The following FGGY variants were observed in gnomAD, a reference collection of about 807,000 sequenced individuals.
FGGY encodes FGGY carbohydrate kinase domain-containing protein.
Under a neutral mutation model 71.3 loss-of-function variants are expected in FGGY, and 72 were observed. The ratio of observed to expected loss-of-function variants is 1.01; its 90% CI spans 0.84 to 1.23. The LOEUF is 1.23. Among genes scored for constraint, FGGY ranks in the 50% most tolerant of loss-of-function variants. The probability of loss-of-function intolerance (pLI) is 0.00; values close to 1 mark genes in which losing one functional copy is unlikely to be tolerated. For synonymous variants in FGGY, 251 were observed against 250.3 expected (o/e 1.00, Z -0.02); for missense variants, 668 against 682.3 (o/e 0.98, Z 0.23).
chr1:59,437,761 ATTTCAGACCCC>A (rs1181685832), intron 5 of FGGY, among the ~76,000 whole-genome samples: 2 of 152,206 alleles, frequency 1.3e-5, no homozygotes, highest in Non-Finnish European at 2.9e-5. Context: ...ATACATGAAT[ATTTCAGACCCC>A]CTTCCCAGTC....
At chr1:59,614,409 C>G (rs2096726968) in intron 9 of FGGY, among the ~76,000 whole-genome samples, 1 of 152,316 alleles carries the variant, frequency 6.6e-6, no homozygotes, top group Non-Finnish European at 1.5e-5. Context: ...ACATGATTAT[C>G]TCAATAGATG....
chr1:59,571,678 A>T (rs1452556788), intron 8 of FGGY, among the ~76,000 whole-genome samples: 1 of 152,182 alleles, frequency 6.6e-6, no homozygotes, highest in Non-Finnish European at 1.5e-5. Context: ...TTTTTATAAT[A>T]GCTACAAATT....
intron 8 of FGGY, among the ~76,000 whole-genome samples, chr1:59,602,268 T>C (rs899869093): frequency 3.3e-5 from 5 of 152,210 alleles, no homozygotes; most frequent in Non-Finnish European, 5.9e-5. Flanking sequence ...CAGCTTCTAT[T>C]TCCTCATCTG....
chr1:59,349,258 A>G (rs74681682), intron 4 of FGGY, among the ~76,000 whole-genome samples: 3,225 of 152,240 alleles, frequency 0.021, 95 homozygotes, highest in African/African-American at 0.071. Flanking sequence ...TTGGCGTAGG[A>G]CCAGGAATGA....
chr1:59,618,368 T>C (rs1428035625), intron 9 of FGGY, among the ~76,000 whole-genome samples: 1 of 152,122 alleles, frequency 6.6e-6, no homozygotes, highest in African/African-American at 2.4e-5. Context: ...AGGCTGAGAA[T>C]GTCAAGGTAA....
intron 10 of FGGY, among the ~76,000 whole-genome samples, chr1:59,631,425 T>G (rs1309635991): frequency 6.6e-6 from 1 of 152,184 alleles, no homozygotes; most frequent in African/African-American, 2.4e-5. Flanking sequence ...TTTTATTGTC[T>G]TACAAAGGAA....
chr1:59,738,137 C>T (rs2098120646), intron 14 of FGGY, among the ~76,000 whole-genome samples: 2 of 152,182 alleles, frequency 1.3e-5, no homozygotes, highest in Admixed American at 6.5e-5. Flanking sequence ...CTAAAAGCCT[C>T]ACTGAGCTGT....
intron 11 of FGGY, among the ~76,000 whole-genome samples, chr1:59,646,237 TTATA>T (rs2097092820): frequency 6.6e-6 from 1 of 152,218 alleles, no homozygotes; most frequent in African/African-American, 2.4e-5. Context: ...AATGATGTAT[TTATA>T]AGCTTTGGAA....
chr1:59,473,119 C>T (rs1368951298), intron 6 of FGGY, among the ~76,000 whole-genome samples: 1 of 152,142 alleles, frequency 6.6e-6, no homozygotes, highest in African/African-American at 2.4e-5. Flanking sequence ...AAGCTTTGTT[C>T]TTTCTCTCTT....
intron 15 of FGGY, among the ~76,000 whole-genome samples, chr1:59,761,616 C>T (rs1309741589): frequency 6.6e-6 from 1 of 152,200 alleles, no homozygotes; most frequent in Non-Finnish European, 1.5e-5. Flanking sequence ...GCCAGAGCAG[C>T]TTCAGCTGTT....
chr1:59,688,602 G>T (rs1258174010), intron 14 of FGGY, among the ~76,000 whole-genome samples: 2 of 152,126 alleles, frequency 1.3e-5, no homozygotes, highest in East Asian at 3.8e-4. Flanking sequence ...AATCAAAAAA[G>T]TAAAGGAATT....
intron 6 of FGGY, among the ~76,000 whole-genome samples, chr1:59,473,112 C>G (rs538298999): frequency 6.6e-6 from 1 of 152,146 alleles, no homozygotes; most frequent in Non-Finnish European, 1.5e-5. Flanking sequence ...ACTGTGGAAG[C>G]TTTGTTCTTT....
Position 59,510,020 on chromosome 1 carries a change from CCTTTTT to C in FGGY, c.671-2278_671-2273del, listed in dbSNP as rs1558167963. 2.5e-3 allele frequency among the ~76,000 whole-genome samples: 378 copies of C among 148,622 alleles called. 2 individuals are homozygous for C. Among genetic ancestry groups the C allele is most frequent in the African/African-American group, 9.2e-3 (361 of 39,162 alleles). On this transcript the variant is annotated intron_variant, in intron 6 of 15. Transcript: ENST00000303721. Reference sequence around the variant, plus strand: ...GTAGGCAAGATTTCTAAACGGTGCTCCTTTTTCTTTTTCTTTTTTCTTTTTTTTTTT... The same window carrying C: ...GTAGGCAAGATTTCTAAACGGTGCTCCTTTTTCTTTTTTCTTTTTTTTTTT...
At chr1:59,377,132 G>T (rs932477591) in intron 4 of FGGY, among the ~76,000 whole-genome samples, 4 of 152,074 alleles carry the variant, frequency 2.6e-5, no homozygotes, top group Non-Finnish European at 4.4e-5. Flanking sequence ...GGTCCTCTCA[G>T]TTGGGGTGGA....
chr1:59,327,237 A>C (rs1361065221), intron 2 of FGGY, among the ~76,000 whole-genome samples: 1 of 152,268 alleles, frequency 6.6e-6, no homozygotes, highest in Non-Finnish European at 1.5e-5. Flanking sequence ...GACTTCTTTC[A>C]AAACTGGAGT....
intron 9 of FGGY, among the ~76,000 whole-genome samples, chr1:59,613,746 G>A (rs1247216868): frequency 2.6e-5 from 4 of 151,920 alleles, no homozygotes; most frequent in African/African-American, 4.8e-5. Flanking sequence ...TTGATAGAAC[G>A]CTAGCAAGAC....
chr1:59,399,046 C>T (rs552714575), intron 5 of FGGY, among the ~76,000 whole-genome samples: 8 of 152,106 alleles, frequency 5.3e-5, no homozygotes, highest in Non-Finnish European at 8.8e-5. Flanking sequence ...GAAGCCTGGT[C>T]AAGTTTCCAA....
chr1:59,686,660 T>C (rs2097546621), intron 14 of FGGY, among the ~76,000 whole-genome samples: 1 of 152,096 alleles, frequency 6.6e-6, no homozygotes, highest in African/African-American at 2.4e-5. Flanking sequence ...GAAATATAGG[T>C]CTCCAGAAAT....
chr1:59,342,609 G>T (rs2050939660), intron 3 of FGGY, among the ~76,000 whole-genome samples: 1 of 152,156 alleles, frequency 6.6e-6, no homozygotes. Context: ...TATCTGAAAT[G>T]AATTATCCTG....
Sources: allele counts gnomAD v4.1 joint callset (sites outside exome capture counted in the v4.1 genomes callset), GRCh38; gene constraint gnomAD v4.1.1; transcripts MANE v1.5; gene names NCBI Gene and HGNC (gene_info 2026-07-23, HGNC 2026-07-21).